The following SCFD1 variants were observed in gnomAD, a reference collection of about 807,000 sequenced individuals.
SCFD1 encodes the protein sec1 family domain containing 1, also known as sec1 family domain-containing protein 1.
Under a neutral mutation model 103.2 loss-of-function variants are expected in SCFD1, and 37 were observed. That is an observed-to-expected ratio of 0.36 (90% CI 0.28 to 0.47). The LOEUF (loss-of-function observed/expected upper bound fraction) is 0.47, where lower values mean the gene tolerates loss of function less well. SCFD1 is among the 20% of genes least tolerant of loss of function. The pLI, the probability that SCFD1 is intolerant of heterozygous loss-of-function variation, is 1.00. For synonymous variants in SCFD1, 264 were observed against 245.0 expected (o/e 1.08, Z -0.73); for missense variants, 639 against 761.2 (o/e 0.84, Z 1.89).
intron 17 of SCFD1, 126 bp downstream of exon 17, chr14:30,702,501 G>A (rs943389375): frequency 7.8e-6 from 4 of 515,932 alleles, no homozygotes; most frequent in Admixed American, 4.0e-5. Flanking sequence ...ATATCCAGTG[G>A]CATAAATATT....
At chr14:30,635,602 C>G (rs979817573) in intron 4 of SCFD1, among the ~76,000 whole-genome samples, 1 of 152,084 alleles carries the variant, frequency 6.6e-6, no homozygotes, top group African/African-American at 2.4e-5. Flanking sequence ...TATTCCTTTT[C>G]GTGGCTGAAT....
intron 14 of SCFD1, among the ~76,000 whole-genome samples, chr14:30,680,371 AC>A (rs1434483287): frequency 3.3e-5 from 5 of 152,120 alleles, no homozygotes; most frequent in African/African-American, 1.2e-4. Context: ...GGGAGAATGA[AC>A]TTTTTTTTTC....
chr14:30,622,581 C>T (rs1882957682), intron 1 of SCFD1, 182 bp downstream of exon 1: 6 of 1,078,344 alleles, frequency 5.6e-6, no homozygotes, highest in Non-Finnish European at 7.6e-6. Flanking sequence ...TCGGTTCCTC[C>T]TGTGGTGCAG....
At chr14:30,644,983 T>G (rs1885665246) in intron 7 of SCFD1, among the ~76,000 whole-genome samples, 1 of 152,234 alleles carries the variant, frequency 6.6e-6, no homozygotes, top group South Asian at 2.1e-4. Context: ...TTTAAGTCTT[T>G]AATCCATTTT....
chr14:30,672,816 C>G (rs1888679586), intron 11 of SCFD1, among the ~76,000 whole-genome samples: 1 of 152,114 alleles, frequency 6.6e-6, no homozygotes, highest in Non-Finnish European at 1.5e-5. Context: ...CAGTTACTTG[C>G]AGGTGATATT....
chr14:30,625,548 T>C (rs1883303556), intron 1 of SCFD1, among the ~76,000 whole-genome samples: 2 of 152,208 alleles, frequency 1.3e-5, no homozygotes, highest in East Asian at 1.9e-4. Flanking sequence ...AAAATTACGT[T>C]CTTGTAAACT....
intron 12 of SCFD1, among the ~76,000 whole-genome samples, 194 bp from the exon 13 acceptor site, chr14:30,673,730 T>C (rs1888762388): frequency 6.6e-6 from 1 of 152,194 alleles, no homozygotes; most frequent in African/African-American, 2.4e-5. Context: ...GACTGGCGAT[T>C]ACTAGAACTT....
chr14:30,693,575 T>G (rs550404148), intron 14 of SCFD1, among the ~76,000 whole-genome samples: 34 of 152,208 alleles, frequency 2.2e-4, no homozygotes, highest in Admixed American at 5.2e-4. Flanking sequence ...TCTGTTTAAC[T>G]GAAATGAACT....
In SCFD1 at chr14:30,708,071, T is replaced by C; in HGVS notation, c.1629+6T>C. 1 of 1,577,016 alleles carries C rather than the reference T, an allele frequency of 6.3e-7. No individual in the cohort carries two copies. Among genetic ancestry groups the C allele is most frequent in the Non-Finnish European group, 8.7e-7 (1 of 1,146,302 alleles). ...ACCTGGTTTTGAAACAGCAAGTAAG[T>C]ACACTTGTTAGAAAACATACTGGTA... On this transcript the variant is annotated splice_donor_region_variant and intron_variant, in intron 19 of 24. Coordinates refer to ENST00000458591, the MANE Select transcript of SCFD1 (RefSeq NM_016106.4).
At position 30,669,308 on chromosome 14, in the gene SCFD1, C is replaced by T. The variant is rs1888316877; in HGVS notation, c.856-948C>T. On this transcript the variant is annotated intron_variant, in intron 10 of 24. Coordinates refer to ENST00000458591, the MANE Select transcript of SCFD1 (RefSeq NM_016106.4). ...AGAACTAAGATAATTATATTTCAGT[C>T]ATGCTGGATAATTTCTCCATACTGT... 2.0e-5 allele frequency among the ~76,000 whole-genome samples: 3 copies of T among 152,078 alleles called. No individual in the cohort carries two copies. The South Asian group carries it at 6.2e-4, about 32-fold the overall frequency.
chr14:30,627,268 T>C (rs907411559), intron 1 of SCFD1, among the ~76,000 whole-genome samples: 30 of 152,306 alleles, frequency 2.0e-4, no homozygotes, highest in Admixed American at 5.9e-4. Flanking sequence ...TAGCTGGAAT[T>C]ATCAGTTATC....
At chr14:30,708,253 G>A (rs1342130288) in intron 19 of SCFD1, among the ~76,000 whole-genome samples, 188 bp downstream of exon 19, 1 of 152,062 alleles carries the variant, frequency 6.6e-6, no homozygotes, top group Non-Finnish European at 1.5e-5. Flanking sequence ...ATAGGTAAAT[G>A]TGTGCCTTGG....
intron 1 of SCFD1, among the ~76,000 whole-genome samples, chr14:30,624,970 A>T (rs376206545): frequency 1.3e-5 from 2 of 152,146 alleles, no homozygotes; most frequent in African/African-American, 4.8e-5. Context: ...CCTTCTCAGG[A>T]GGCTTTCCCC....
At chr14:30,721,834 A>G (rs1376536251) in intron 21 of SCFD1, 50 bp from the exon 22 acceptor site, 4 of 1,473,114 alleles carry the variant, frequency 2.7e-6, no homozygotes, top group South Asian at 1.1e-5. Flanking sequence ...TATTTTATTC[A>G]TAATAAAAGC....
chr14:30,665,727 A>G (rs905589877), intron 10 of SCFD1, among the ~76,000 whole-genome samples: 13 of 152,146 alleles, frequency 8.5e-5, no homozygotes, highest in African/African-American at 2.9e-4. Context: ...AGCAAAAAAA[A>G]GCAGGGGTTG....
At chr14:30,632,046 GAAAA>G (rs61645782) in intron 3 of SCFD1, among the ~76,000 whole-genome samples, 18,533 of 68,838 alleles carry the variant, frequency 0.27, 1,362 homozygotes, top group East Asian at 0.54. Flanking sequence ...AGATTCTGTT[GAAAA>G]AAAAAAAAAA....
intron 16 of SCFD1, among the ~76,000 whole-genome samples, 193 bp downstream of exon 16, chr14:30,700,451 T>C (rs943106380): frequency 1.2e-4 from 18 of 152,184 alleles, no homozygotes; most frequent in African/African-American, 4.3e-4. Context: ...GGCAGGCAGA[T>C]CACTTTGAGC....
intron 23 of SCFD1, among the ~76,000 whole-genome samples, chr14:30,733,010 C>CTTT (rs544945622): frequency 0.038 from 5,383 of 141,786 alleles, 125 homozygotes; most frequent in South Asian, 0.067. Context: ...ATTTTTTTTT[C>CTTT]TTTTTTTTTT....
At chr14:30,650,864 A>G (rs1886334956) in intron 9 of SCFD1, among the ~76,000 whole-genome samples, 1 of 152,070 alleles carries the variant, frequency 6.6e-6, no homozygotes, top group Non-Finnish European at 1.5e-5. Flanking sequence ...GCATTTTATC[A>G]TCTATAAGAA....
Sources: allele counts gnomAD v4.1 joint callset (sites outside exome capture counted in the v4.1 genomes callset), GRCh38; gene constraint gnomAD v4.1.1; transcripts MANE v1.5; gene names NCBI Gene and HGNC (gene_info 2026-07-23, HGNC 2026-07-21).